GRM7: variants seen among roughly 807,000 people sequenced by gnomAD.
The protein encoded by GRM7 is glutamate metabotropic receptor 7.
GRM7 carries 35 observed loss-of-function variants against 84.5 expected under a neutral mutation model. The ratio of observed to expected loss-of-function variants is 0.41; its 90% CI spans 0.32 to 0.55. The LOEUF is 0.55. GRM7 is among the 20% of genes least tolerant of loss of function. The pLI is 0.19. For synonymous variants in GRM7, 487 were observed against 455.1 expected, an observed-to-expected ratio of 1.07 and a Z score of -0.89; for missense variants, 1,003 against 1,194.6, an observed-to-expected ratio of 0.84 and a Z score of 2.36.
rs539109515 is a variant in GRM7 at position 7,477,830 on chromosome 3, G to T, written c.1515+16108G>T. On this transcript the variant is annotated intron_variant, in intron 7 of 9. Coordinates refer to ENST00000357716, the MANE Select transcript of GRM7 (RefSeq NM_000844.4). ...CCAGTTAAAAAGTAAAATCACACAC[G>T]CATGTATTCAGCATACCTTGGTCCA... Among the ~76,000 whole-genome samples the T allele has an allele frequency of 3.7e-3, 559 of 152,082 alleles. 4 individuals carry two copies. The highest frequency in any genetic ancestry group is 0.013 in the African/African-American group (533 of 41,486).
At chr3:6,979,453 C>G (rs570459522) in intron 1 of GRM7, among the ~76,000 whole-genome samples, 2 of 152,148 alleles carry the variant, frequency 1.3e-5, no homozygotes, top group African/African-American at 4.8e-5. Context: ...TTTGACCCAA[C>G]AACCACGTTT....
At chr3:7,480,077 G>A (rs1699071505) in intron 7 of GRM7, among the ~76,000 whole-genome samples, 1 of 152,164 alleles carries the variant, frequency 6.6e-6, no homozygotes, top group Non-Finnish European at 1.5e-5. Flanking sequence ...TCTCCTGTGT[G>A]CACTGCTTTG....
At chr3:7,101,097 A>G (rs1359543069) in intron 1 of GRM7, among the ~76,000 whole-genome samples, 1 of 151,572 alleles carries the variant, frequency 6.6e-6, no homozygotes, top group Non-Finnish European at 1.5e-5. Context: ...ATATGTTTTC[A>G]TTTTTCTGGG....
chr3:7,329,951 G>A (rs1701136969), intron 4 of GRM7, among the ~76,000 whole-genome samples: 1 of 152,100 alleles, frequency 6.6e-6, no homozygotes, highest in Admixed American at 6.6e-5. Flanking sequence ...TTTTGAGGAT[G>A]TTACATGAAT....
chr3:7,177,604 G>T (rs964152625), intron 2 of GRM7, among the ~76,000 whole-genome samples: 1 of 151,256 alleles, frequency 6.6e-6, no homozygotes, highest in East Asian at 1.9e-4. Context: ...GAGGAGACAG[G>T]AGAGTTAGAT....
intron 1 of GRM7, among the ~76,000 whole-genome samples, chr3:7,094,054 G>A (rs1462205183): frequency 2.0e-5 from 3 of 151,912 alleles, no homozygotes; most frequent in Non-Finnish European, 4.4e-5. Flanking sequence ...ACTATTTATT[G>A]AGCATCTAGT....
intron 1 of GRM7, among the ~76,000 whole-genome samples, chr3:7,144,482 C>T (rs1184408767): frequency 6.6e-6 from 1 of 152,044 alleles, no homozygotes; most frequent in Non-Finnish European, 1.5e-5. Flanking sequence ...TGCCATAGGA[C>T]AGTGTGGAGA....
intron 1 of GRM7, among the ~76,000 whole-genome samples, chr3:7,123,853 A>G (rs1178303055): frequency 1.3e-5 from 2 of 152,176 alleles, no homozygotes; most frequent in East Asian, 1.9e-4. Context: ...CTGCAGATCA[A>G]TTTGGTCTGC....
At chr3:6,894,634 A>G (rs937820101) in intron 1 of GRM7, among the ~76,000 whole-genome samples, 3 of 152,140 alleles carry the variant, frequency 2.0e-5, no homozygotes, top group African/African-American at 7.2e-5. Flanking sequence ...ATGTGCACAC[A>G]TATAAGTAAA....
intron 5 of GRM7, 121 bp downstream of exon 5, chr3:7,415,284 A>G (rs985195810): frequency 1.2e-6 from 1 of 806,096 alleles, no homozygotes; most frequent in Non-Finnish European, 2.0e-6. Flanking sequence ...AAATTTTACT[A>G]GATTGTTCAG....
intron 2 of GRM7, among the ~76,000 whole-genome samples, chr3:7,198,325 A>G (rs1695950103): frequency 6.6e-6 from 1 of 152,130 alleles, no homozygotes; most frequent in African/African-American, 2.4e-5. Context: ...GAAATTGAAA[A>G]GTTGGAAAAT....
intron 1 of GRM7, among the ~76,000 whole-genome samples, chr3:6,901,136 A>G (rs1331076521): frequency 6.6e-6 from 1 of 152,220 alleles, no homozygotes; most frequent in East Asian, 1.9e-4. Flanking sequence ...CAGGGGTGAC[A>G]ATGTAATTAA....
chr3:6,901,331 G>A (rs1225537064), intron 1 of GRM7, among the ~76,000 whole-genome samples: 1 of 152,128 alleles, frequency 6.6e-6, no homozygotes, highest in Non-Finnish European at 1.5e-5. Context: ...TGGGCGCAGT[G>A]GCTCACGCCT....
At chr3:7,099,045 C>G (rs1001709910) in intron 1 of GRM7, among the ~76,000 whole-genome samples, 2 of 151,468 alleles carry the variant, frequency 1.3e-5, no homozygotes, top group African/African-American at 2.4e-5. Flanking sequence ...TCCTTAAAGC[C>G]AAGACCTATA....
intron 1 of GRM7, among the ~76,000 whole-genome samples, chr3:6,951,384 T>A (rs1374685928): frequency 6.6e-6 from 1 of 152,164 alleles, no homozygotes; most frequent in African/African-American, 2.4e-5. Context: ...GGTAATTGAT[T>A]TGAGGTCTTT....
intron 2 of GRM7, among the ~76,000 whole-genome samples, chr3:7,240,598 A>G (rs1379420916): frequency 6.6e-6 from 1 of 152,166 alleles, no homozygotes; most frequent in African/African-American, 2.4e-5. Context: ...TGAAATATTC[A>G]TCTCCCATTT....
At chr3:6,904,871 G>A (rs1409599179) in intron 1 of GRM7, among the ~76,000 whole-genome samples, 1 of 151,840 alleles carries the variant, frequency 6.6e-6, no homozygotes, top group Non-Finnish European at 1.5e-5. Context: ...CAGGCACATA[G>A]CACCCTCCTT....
At chr3:7,458,626 TCTAA>T (rs1403586360) in intron 6 of GRM7, among the ~76,000 whole-genome samples, 3 of 152,160 alleles carry the variant, frequency 2.0e-5, no homozygotes. Flanking sequence ...GACCGTTTCT[TCTAA>T]CTAAGATTGC....
intron 1 of GRM7, among the ~76,000 whole-genome samples, chr3:6,951,174 A>C (rs1454333283): frequency 6.6e-6 from 1 of 152,186 alleles, no homozygotes; most frequent in Non-Finnish European, 1.5e-5. Flanking sequence ...CTATTCGGCC[A>C]TCTTGGCTCC....
Sources: allele counts gnomAD v4.1 joint callset (sites outside exome capture counted in the v4.1 genomes callset), GRCh38; gene constraint gnomAD v4.1.1; transcripts MANE v1.5; gene names NCBI Gene and HGNC (gene_info 2026-07-23, HGNC 2026-07-21).